Variants in DRAM1 observed in about 807,000 individuals in gnomAD.
DRAM1 encodes the protein DNA damage regulated autophagy modulator 1.
A neutral mutation model predicts 28.5 loss-of-function variants in DRAM1; 25 were observed. That is an observed-to-expected ratio of 0.88 (90% CI 0.64 to 1.23). The LOEUF (loss-of-function observed/expected upper bound fraction) is 1.23, where lower values mean the gene tolerates loss of function less well. Among genes scored for constraint, DRAM1 ranks in the 50% most tolerant of loss-of-function variants. DRAM1 has a pLI of 0.00. For synonymous variants in DRAM1, 113 were observed against 114.2 expected (o/e 0.99, Z 0.07); for missense variants, 249 against 299.2 (o/e 0.83, Z 1.24).
At chr12:101,891,347 A>G (rs868167010) in intron 1 of DRAM1, among the ~76,000 whole-genome samples, 7 of 152,222 alleles carry the variant, frequency 4.6e-5, no homozygotes, top group Admixed American at 3.3e-4. Context: ...TTAGCATCTA[A>G]GTTCCTCCAA....
intron 1 of DRAM1, among the ~76,000 whole-genome samples, chr12:101,884,369 C>CAAAAA (rs777858309): frequency 6.4e-5 from 5 of 78,054 alleles, no homozygotes; most frequent in Non-Finnish European, 9.5e-5. Flanking sequence ...TACCCTGTCT[C>CAAAAA]AAAAAAAAAA....
rs571859082 is a variant in DRAM1, at chr12:101,908,217, G to A, written c.374G>A (p.Gly125Asp). Residue 125 changes from glycine (G) to aspartate (D), a missense_variant, in exon 4 of 7, where the codon GGC becomes GAC. This residue lies in a region of DRAM1 where 218 missense variants were observed against 243.1 expected (regional missense o/e 0.90). Transcript: ENST00000258534. ...GCTGTGCCAGTGGTTCATGACGGGG[G>A]CGCTCTTTTGGCCTTTGTCTGTGGT... ...ELAVPVVHDG[G>D]ALLAFVCGVV... is the part of the protein sequence containing the mutation. 2.5e-6 allele frequency: 4 copies of A among 1,612,308 alleles called. No homozygotes were observed. The highest frequency in any genetic ancestry group is 2.5e-6 in the Non-Finnish European group (3 of 1,179,538).
chr12:101,917,991 C>A (rs148148877), intron 5 of DRAM1, among the ~76,000 whole-genome samples: 1,762 of 152,306 alleles, frequency 0.012, 17 homozygotes, highest in Middle Eastern at 0.068. Context: ...AGTTAAAAAT[C>A]TGTTATATTC....
intron 4 of DRAM1, among the ~76,000 whole-genome samples, chr12:101,910,860 T>G (rs922242093): frequency 3.9e-5 from 6 of 152,174 alleles, no homozygotes; most frequent in African/African-American, 1.4e-4. Flanking sequence ...TCAGATTAAC[T>G]TGAATGAATT....
At chr12:101,892,305 G>A (rs1054166009) in intron 1 of DRAM1, among the ~76,000 whole-genome samples, 4 of 150,776 alleles carry the variant, frequency 2.7e-5, no homozygotes, top group African/African-American at 7.3e-5. Flanking sequence ...GTGCGATCTC[G>A]GCTCACTGCA....
intron 1 of DRAM1, among the ~76,000 whole-genome samples, chr12:101,895,186 G>GTTTTTTTTTTTTTTGTTTTTTTTT (rs1873301395): frequency 6.6e-5 from 5 of 75,720 alleles, no homozygotes; most frequent in Non-Finnish European, 9.3e-5. Context: ...AACCCTTCAG[G>GTTTTTTTTTTTTTTGTTTTTTTTT]TTTTTTTTTT....
chr12:101,879,561 G>C (rs770974157), intron 1 of DRAM1, among the ~76,000 whole-genome samples: 1 of 152,112 alleles, frequency 6.6e-6, no homozygotes, highest in Non-Finnish European at 1.5e-5. Context: ...GATTACAGGC[G>C]TGAGCCACCA....
At chr12:101,892,274 C>T (rs1384286188) in intron 1 of DRAM1, among the ~76,000 whole-genome samples, 10 of 150,206 alleles carry the variant, frequency 6.7e-5, no homozygotes, top group Admixed American at 2.0e-4. Context: ...CTTGCTGTGT[C>T]GCCCAGGCTG....
chr12:101,885,799 A>C (rs945389902), intron 1 of DRAM1, among the ~76,000 whole-genome samples: 1 of 152,048 alleles, frequency 6.6e-6, no homozygotes, highest in African/African-American at 2.4e-5. Flanking sequence ...AAGTGCTGGG[A>C]TTACAGGTGT....
intron 4 of DRAM1, among the ~76,000 whole-genome samples, chr12:101,911,387 C>A (rs1361516505): frequency 1.3e-5 from 2 of 152,202 alleles, no homozygotes; most frequent in Non-Finnish European, 2.9e-5. Context: ...GATGAATTAT[C>A]TGTCTTGCAC....
chr12:101,880,051 G>T (rs1872638763), intron 1 of DRAM1, among the ~76,000 whole-genome samples: 1 of 151,198 alleles, frequency 6.6e-6, no homozygotes, highest in Non-Finnish European at 1.5e-5. Context: ...TTGTTTGTTT[G>T]TTTGTTTGTT....
At chr12:101,916,386 C>T (rs1192870404) in intron 5 of DRAM1, among the ~76,000 whole-genome samples, 1 of 152,170 alleles carries the variant, frequency 6.6e-6, no homozygotes, top group Non-Finnish European at 1.5e-5. Flanking sequence ...CGCCTGTAGT[C>T]CCAGCTACTT....
chr12:101,888,786 AT>A lies in DRAM1; in HGVS notation c.132-9047del, dbSNP rs34825466. On this transcript the variant is annotated intron_variant, in intron 1 of 6. Coordinates refer to ENST00000258534, the MANE Select transcript of DRAM1 (RefSeq NM_018370.3). ...GGGCTGATGACTTTCAAACATCTCAATTTTTTTTTTTTTTTTTTTTTTTTTT... is the reference window on the plus strand; with the variant it reads ...GGGCTGATGACTTTCAAACATCTCAATTTTTTTTTTTTTTTTTTTTTTTTT... Among the ~76,000 whole-genome samples, 345 of 107,906 alleles carry A rather than the reference AT, an allele frequency of 3.2e-3. 1 individual carries two copies. The highest frequency in any genetic ancestry group is 4.5e-3 in the Non-Finnish European group (255 of 56,790). The allele number at this position is 107,906 out of a possible 152,430, so 70.8% of individuals were successfully genotyped here.
Position 101,921,360 on chromosome 12 carries a change from T to C in DRAM1, c.*100T>C. The C allele has an allele frequency of 1.2e-6, 1 of 864,398 alleles. No individual in the cohort carries two copies. The highest frequency in any genetic ancestry group is 2.0e-6 in the Non-Finnish European group (1 of 507,486). 53.5% of individuals were successfully genotyped at this position (864,398 alleles called of 1,614,324 possible). ...TTTGAGGCCACCCTGATTATTGGGA[T>C]GCATCTGCAGCACATCCAGGACTTG... On this transcript the variant is annotated 3_prime_UTR_variant, in exon 7 of 7. Coordinates refer to ENST00000258534, the MANE Select transcript of DRAM1 (RefSeq NM_018370.3).
At chr12:101,881,993 C>A (rs1872701220) in intron 1 of DRAM1, among the ~76,000 whole-genome samples, 1 of 152,128 alleles carries the variant, frequency 6.6e-6, no homozygotes, top group African/African-American at 2.4e-5. Flanking sequence ...GGGCAGATCC[C>A]TTAAGGAAAA....
At chr12:101,885,525 CTTTTTTT>C (rs11342964) in intron 1 of DRAM1, among the ~76,000 whole-genome samples, 2 of 96,410 alleles carry the variant, frequency 2.1e-5, no homozygotes, top group East Asian at 3.2e-4. Context: ...TCCCACTGGA[CTTTTTTT>C]TTTTTTTTTT....
intron 1 of DRAM1, among the ~76,000 whole-genome samples, chr12:101,880,798 A>G (rs1047748623): frequency 1.3e-5 from 2 of 152,186 alleles, no homozygotes; most frequent in South Asian, 4.1e-4. Context: ...GACAAGGTGA[A>G]CCACTTATGA....
At chr12:101,897,831 C>T (rs758168140) in intron 1 of DRAM1, 32 bp from the exon 2 acceptor site, 2 of 1,527,570 alleles carry the variant, frequency 1.3e-6, no homozygotes, top group Admixed American at 3.4e-5. Flanking sequence ...GAATTTCTTT[C>T]TAATAATTTG....
chr12:101,883,571 C>T (rs896946782), intron 1 of DRAM1, among the ~76,000 whole-genome samples: 3 of 150,862 alleles, frequency 2.0e-5, no homozygotes, highest in African/African-American at 7.3e-5. Context: ...ACCTCGGCCT[C>T]CCAAAGTGCT....
Sources: gnomAD v4.1 joint callset for allele counts (sites outside exome capture counted in the v4.1 genomes callset) on GRCh38, gnomAD v4.1.1 for gene constraint, gnomAD v4.1.1 regional missense constraint, MANE v1.5 for transcripts, NCBI Gene and HGNC (gene_info 2026-07-23, HGNC 2026-07-21) for gene names.